The following COLEC10 variants were observed in gnomAD, a reference collection of about 807,000 sequenced individuals.
The protein encoded by COLEC10 is collectin subfamily member 10.
In COLEC10, 22 loss-of-function variants were observed where a neutral mutation model predicts 28.4. That is an observed-to-expected ratio of 0.78 (90% CI 0.55 to 1.11). COLEC10 has a LOEUF of 1.11. COLEC10 is among the 50% of genes least tolerant of loss of function. The pLI, the probability that COLEC10 is intolerant of heterozygous loss-of-function variation, is 0.00. For missense variants in COLEC10, 361 were observed against 344.1 expected, an observed-to-expected ratio of 1.05 and a Z score of -0.39; for synonymous variants, 125 against 116.1, an observed-to-expected ratio of 1.08 and a Z score of -0.49.
chr8:119,017,286 G>C (rs1384502495), intron 2 of COLEC10, among the ~76,000 whole-genome samples: 1 of 152,148 alleles, frequency 6.6e-6, no homozygotes, highest in Admixed American at 6.5e-5. Context: ...TGAGTTTGGA[G>C]AGTGAGTTTA....
At chr8:119,010,624 A>G (rs537249990) in intron 2 of COLEC10, among the ~76,000 whole-genome samples, 1 of 151,248 alleles carries the variant, frequency 6.6e-6, no homozygotes, top group East Asian at 1.9e-4. Flanking sequence ...TCTCACAAGC[A>G]ATGGATGCAA....
intron 2 of COLEC10, among the ~76,000 whole-genome samples, chr8:119,025,565 A>C (rs1160206506): frequency 1.3e-5 from 2 of 152,122 alleles, no homozygotes; most frequent in Non-Finnish European, 2.9e-5. Context: ...GGTCTTCAAA[A>C]AATTTTCAGT....
rs926630526 is a variant in COLEC10 at position 119,052,170 on chromosome 8, A to G, written n.236-37510A>G. 3.3e-5 allele frequency among the ~76,000 whole-genome samples: 5 copies of G among 152,304 alleles called. No individual in the cohort carries two copies. The East Asian group carries it at 9.6e-4, about 29-fold the overall frequency. On this transcript the variant is annotated intron_variant and non_coding_transcript_variant, in intron 2 of 6. Transcript: ENST00000521788. ...AGTTTCTCATTCTTAAGCAAAATTC[A>G]TTTGTCATGGTGATTGTAAAGCATT...
the COLEC10 span, among the ~76,000 whole-genome samples, chr8:118,990,415 C>A: frequency 6.6e-6 from 1 of 152,024 alleles, no homozygotes; most frequent in African/African-American, 2.4e-5. Flanking sequence ...AAAGTGACTT[C>A]TAAAAACTAA....
intron 3 of COLEC10, among the ~76,000 whole-genome samples, chr8:119,095,926 G>C (rs1005200662): frequency 7.2e-5 from 11 of 152,266 alleles, no homozygotes; most frequent in African/African-American, 2.6e-4. Flanking sequence ...TTCATGAAGA[G>C]ATAGACAAAT....
upstream of COLEC10, among the ~76,000 whole-genome samples, chr8:118,993,264 A>G (rs150915631): frequency 1.6e-4 from 25 of 152,134 alleles, no homozygotes; most frequent in Non-Finnish European, 3.4e-4. Context: ...TTTTTTTCCC[A>G]AGGCCTTTCT....
intron 2 of COLEC10, among the ~76,000 whole-genome samples, chr8:119,026,787 T>C (rs1016496278): frequency 8.5e-5 from 13 of 152,188 alleles, no homozygotes; most frequent in African/African-American, 3.1e-4. Context: ...TGAGGATGTC[T>C]GAAGCTGAAG....
chr8:119,101,159 C>T (rs1408829012), intron 3 of COLEC10, among the ~76,000 whole-genome samples: 1 of 152,116 alleles, frequency 6.6e-6, no homozygotes, highest in Admixed American at 6.5e-5. Flanking sequence ...CAACTCCATT[C>T]CCTTTTGCAT....
At chr8:119,067,080 TAAAC>T (rs770703318), upstream of COLEC10, among the ~76,000 whole-genome samples, 4 of 152,114 alleles carry the variant, frequency 2.6e-5, no homozygotes, top group Admixed American at 6.6e-5. Flanking sequence ...CACTTGAAAA[TAAAC>T]AGTCTGGACA....
chr8:119,093,805 T>A (rs936466772), intron 3 of COLEC10, among the ~76,000 whole-genome samples: 1 of 152,232 alleles, frequency 6.6e-6, no homozygotes, highest in South Asian at 2.1e-4. Flanking sequence ...TTTAAAAGAG[T>A]ACAATTCCAC....
the COLEC10 span, among the ~76,000 whole-genome samples, chr8:118,966,147 T>C: frequency 6.6e-6 from 1 of 152,072 alleles, no homozygotes; most frequent in East Asian, 1.9e-4. Flanking sequence ...ATGGAAACAA[T>C]AGAGTTTAAA....
intron 1 of COLEC10, among the ~76,000 whole-genome samples, chr8:119,072,506 A>G (rs916758511): frequency 1.3e-5 from 2 of 152,206 alleles, no homozygotes; most frequent in Non-Finnish European, 2.9e-5. Context: ...TGAGGTAAGA[A>G]TTATTAAGTC....
At chr8:119,002,078 A>G (rs1813711870) in intron 1 of COLEC10, among the ~76,000 whole-genome samples, 1 of 152,206 alleles carries the variant, frequency 6.6e-6, no homozygotes, top group Admixed American at 6.6e-5. Flanking sequence ...CTAGAAAGCA[A>G]TCTGTCTAGT....
At chr8:118,977,879 A>T in the COLEC10 span, among the ~76,000 whole-genome samples, 4 of 152,006 alleles carry the variant, frequency 2.6e-5, no homozygotes, top group East Asian at 7.8e-4. Flanking sequence ...CTGTGATTTT[A>T]TTGTACTGAG....
intron 1 of COLEC10, among the ~76,000 whole-genome samples, chr8:119,072,934 T>C (rs974074705): frequency 6.6e-6 from 1 of 152,194 alleles, no homozygotes; most frequent in African/African-American, 2.4e-5. Context: ...ATCCCAGCAA[T>C]TGACACAACT....
At position 119,107,591 on chromosome 8, in the gene COLEC10, T is replaced by A. The variant is rs1258243997; in HGVS notation, c.*1400T>A. On this transcript the variant is annotated 3_prime_UTR_variant, in exon 6 of 6. Coordinates refer to ENST00000332843, the MANE Select transcript of COLEC10 (RefSeq NM_006438.5). ...CATGATTTCACCCGTGACTAACTGG[T>A]TATGAGATAGGACTTAATTAGGTTA... 1.3e-5 allele frequency among the ~76,000 whole-genome samples: 2 copies of A among 152,176 alleles called. No individual in the cohort carries two copies. The highest frequency in any genetic ancestry group is 2.9e-5 in the Non-Finnish European group (2 of 68,026).
At chr8:118,982,270 A>G in the COLEC10 span, among the ~76,000 whole-genome samples, 1 of 152,118 alleles carries the variant, frequency 6.6e-6, no homozygotes, top group Non-Finnish European at 1.5e-5. Context: ...TTCCTTAAAT[A>G]TGGTTTTCAG....
chr8:119,037,292 A>G (rs1814407016), intron 2 of COLEC10, among the ~76,000 whole-genome samples: 2 of 152,244 alleles, frequency 1.3e-5, no homozygotes, highest in Admixed American at 6.5e-5. Context: ...TAACTTATTC[A>G]TCACACTTTT....
chr8:118,985,862 T>G, the COLEC10 span, among the ~76,000 whole-genome samples: 1 of 152,032 alleles, frequency 6.6e-6, no homozygotes, highest in African/African-American at 2.4e-5. Flanking sequence ...GTAAGGGCCC[T>G]GAAGTGCATA....
Sources: gnomAD v4.1 joint callset for allele counts (sites outside exome capture counted in the v4.1 genomes callset) on GRCh38, gnomAD v4.1.1 for gene constraint, MANE v1.5 for transcripts, NCBI Gene and HGNC (gene_info 2026-07-23, HGNC 2026-07-21) for gene names.